SLC33A2: variants seen among roughly 807,000 people sequenced by gnomAD.
SLC33A2 encodes the protein solute carrier family 33 member 2.
chr8:144,509,597 C>T, the SLC33A2 span: 5 of 1,543,638 alleles, frequency 3.2e-6, no homozygotes, highest in Admixed American at 3.8e-5. Flanking sequence ...CCGGGCTGCC[C>T]CCTCCTGGAG....
chr8:144,509,216 G>A, the SLC33A2 span: 10 of 1,074,888 alleles, frequency 9.3e-6, no homozygotes, highest in East Asian at 1.5e-4. Flanking sequence ...GACTCTGCCC[G>A]GTCCCAGAAC....
the SLC33A2 span, chr8:144,509,781 G>C: frequency 6.4e-7 from 1 of 1,554,108 alleles, no homozygotes. Context: ...GGCCGCGCTA[G>C]CTGGGGGCGC....
the SLC33A2 span, chr8:144,509,734 C>A: frequency 1.3e-6 from 2 of 1,567,692 alleles, no homozygotes; most frequent in Non-Finnish European, 1.7e-6. Flanking sequence ...GAACTGGGGC[C>A]GGGCAATACC....
At chr8:144,510,906 G>A in the SLC33A2 span, 39 of 1,604,196 alleles carry the variant, frequency 2.4e-5, no homozygotes, top group South Asian at 1.8e-4. Flanking sequence ...CCCTGCAGGT[G>A]AGTAGATGTA....
At chr8:144,510,563 C>A in the SLC33A2 span, 4 of 1,607,954 alleles carry the variant, frequency 2.5e-6, no homozygotes, top group Non-Finnish European at 1.7e-6. Flanking sequence ...TGCCCCCAAT[C>A]CACTATACTG....
the SLC33A2 span, chr8:144,510,106 C>A: frequency 1.4e-6 from 2 of 1,432,600 alleles, no homozygotes; most frequent in Non-Finnish European, 1.9e-6. Flanking sequence ...ATTACAGGGC[C>A]ACGCTCTTTC....
At chr8:144,510,729 G>A in the SLC33A2 span, 1 of 1,596,580 alleles carries the variant, frequency 6.3e-7, no homozygotes, top group Non-Finnish European at 8.5e-7. Context: ...AGAGGTGAGG[G>A]GCTGGCCTTG....
chr8:144,510,861 T>C, the SLC33A2 span: 1 of 1,609,800 alleles, frequency 6.2e-7, no homozygotes, highest in Admixed American at 1.7e-5. Context: ...TCACCTTCAC[T>C]GGGATGATGC....
At chr8:144,509,429 C>T in the SLC33A2 span, 7 of 1,532,082 alleles carry the variant, frequency 4.6e-6, no homozygotes, top group East Asian at 7.4e-5. Flanking sequence ...TGCTGCGTGC[C>T]GGCGGCCTCT....
the SLC33A2 span, chr8:144,510,779 C>T: frequency 1.5e-5 from 24 of 1,611,196 alleles, no homozygotes; most frequent in South Asian, 2.1e-4. Flanking sequence ...GCACTGCTGA[C>T]TTCTGCCCTC....
the SLC33A2 span, chr8:144,510,585 A>AC: frequency 6.3e-7 from 1 of 1,585,390 alleles, no homozygotes; most frequent in Non-Finnish European, 8.6e-7. Context: ...CCCATTTCCC[A>AC]CCCCCATCCC....
the SLC33A2 span, chr8:144,511,008 T>C: frequency 1.2e-6 from 2 of 1,601,798 alleles, no homozygotes; most frequent in Non-Finnish European, 1.7e-6. Flanking sequence ...ACTACAGCCT[T>C]CTGGCCACGC....
At chr8:144,509,354 G>C in the SLC33A2 span, 1 of 1,472,594 alleles carries the variant, frequency 6.8e-7, no homozygotes, top group African/African-American at 1.5e-5. Flanking sequence ...AGTTGCTGCC[G>C]CTGGCCGGCC....
At chr8:144,509,194 C>G in the SLC33A2 span, 1 of 845,538 alleles carries the variant, frequency 1.2e-6, no homozygotes, top group Non-Finnish European at 1.7e-6. Context: ...AGACCCTAGC[C>G]TGTACGACGC....
At chr8:144,511,082 C>A in the SLC33A2 span, 7 of 1,608,946 alleles carry the variant, frequency 4.4e-6, no homozygotes. Context: ...GGGTTGGGGC[C>A]ACATCCCTGC....
At chr8:144,510,911 G>C in the SLC33A2 span, 12 of 1,603,228 alleles carry the variant, frequency 7.5e-6, no homozygotes, top group South Asian at 3.3e-5. Context: ...CAGGTGAGTA[G>C]ATGTAGCAGG....
chr8:144,509,588 C>A, the SLC33A2 span: 1 of 1,533,758 alleles, frequency 6.5e-7, no homozygotes. Context: ...GGCTGCTTGC[C>A]GGGCTGCCCC....
the SLC33A2 span, chr8:144,509,728 T>C: frequency 1.3e-6 from 2 of 1,568,630 alleles, no homozygotes; most frequent in African/African-American, 2.7e-5. Context: ...CCGGCCGAAC[T>C]GGGGCCGGGC....
At chr8:144,510,047 T>C in the SLC33A2 span, 4 of 1,576,936 alleles carry the variant, frequency 2.5e-6, no homozygotes, top group South Asian at 3.4e-5. Context: ...GCAACAGCAG[T>C]TGGGGCTTCC....
Sources: gnomAD v4.1 joint callset for allele counts on GRCh38, gnomAD v4.1.1 for gene constraint, MANE v1.5 for transcripts, NCBI Gene and HGNC (gene_info 2026-07-23, HGNC 2026-07-21) for gene names.